The following SND1 variants were observed in gnomAD, a reference collection of about 807,000 sequenced individuals.
SND1 encodes staphylococcal nuclease and tudor domain containing 1.
In SND1, 38 loss-of-function variants were observed where a neutral mutation model predicts 121.7. That is an observed-to-expected ratio of 0.31 (90% CI 0.24 to 0.41). The LOEUF is 0.41. SND1 is among the 10% of genes least tolerant of loss of function. The probability of loss-of-function intolerance (pLI) is 1.00; values close to 1 mark genes in which losing one functional copy is unlikely to be tolerated. For synonymous variants in SND1, 401 were observed against 447.4 expected (o/e 0.90, Z 1.31); for missense variants, 868 against 1,184.6 (o/e 0.73, Z 3.92).
At chr7:127,683,415 C>T (rs1460663685) in intron 1 of SND1, among the ~76,000 whole-genome samples, 1 of 152,078 alleles carries the variant, frequency 6.6e-6, no homozygotes, top group Non-Finnish European at 1.5e-5. Context: ...TGAGGTCTTG[C>T]TGTGTTGTCC....
chr7:127,730,764 G>A (rs1030198719), intron 10 of SND1, among the ~76,000 whole-genome samples: 3 of 152,140 alleles, frequency 2.0e-5, no homozygotes, highest in Non-Finnish European at 2.9e-5. Context: ...TGATACTCAG[G>A]TGTTAGATAG....
intron 11 of SND1, among the ~76,000 whole-genome samples, chr7:127,843,870 A>G (rs1031260172): frequency 6.6e-6 from 1 of 152,170 alleles, no homozygotes; most frequent in Admixed American, 6.5e-5. Flanking sequence ...TAGAGTTCCT[A>G]TTGCTCCACA....
At chr7:127,779,871 G>A (rs1382169502) in intron 10 of SND1, among the ~76,000 whole-genome samples, 7 of 152,138 alleles carry the variant, frequency 4.6e-5, no homozygotes, top group East Asian at 3.8e-4. Context: ...TCAAGGAGTC[G>A]GGACCATCTC....
chr7:128,025,865 AG>A (rs1803463938), intron 16 of SND1, among the ~76,000 whole-genome samples: 1 of 152,130 alleles, frequency 6.6e-6, no homozygotes, highest in Non-Finnish European at 1.5e-5. Flanking sequence ...AGCTGAATAT[AG>A]TCTTCCTTGG....
chr7:127,798,971 T>TCAAGGCTACAGTGAGCCC (rs1798077269), intron 10 of SND1, among the ~76,000 whole-genome samples: 1 of 152,178 alleles, frequency 6.6e-6, no homozygotes, highest in African/African-American at 2.4e-5. Context: ...CATGTGAGCC[T>TCAAGGCTACAGTGAGCCC]GGAACGTCAA....
intron 1 of SND1, among the ~76,000 whole-genome samples, chr7:127,656,954 T>C (rs372751622): frequency 9.8e-5 from 15 of 152,380 alleles, no homozygotes; most frequent in African/African-American, 3.4e-4. Context: ...TCCCGGCAGG[T>C]AAGCCTGGTA....
At chr7:127,761,328 T>TG (rs2116476906) in intron 10 of SND1, among the ~76,000 whole-genome samples, 1 of 152,382 alleles carries the variant, frequency 6.6e-6, no homozygotes, top group Admixed American at 6.5e-5. Flanking sequence ...ATTCAAAAGC[T>TG]GTCTGTGGTT....
intron 14 of SND1, among the ~76,000 whole-genome samples, chr7:127,924,546 G>A (rs538795212): frequency 6.6e-6 from 1 of 152,212 alleles, no homozygotes; most frequent in South Asian, 2.1e-4. Flanking sequence ...TACATCTAGT[G>A]CACACCGACA....
intron 10 of SND1, among the ~76,000 whole-genome samples, chr7:127,802,996 A>G (rs982244670): frequency 2.0e-5 from 3 of 152,070 alleles, no homozygotes; most frequent in Non-Finnish European, 4.4e-5. Flanking sequence ...TGCCCAGATT[A>G]CTATCATAAT....
At position 127,955,723 on chromosome 7, in the gene SND1, G is replaced by C. The variant is rs554165965; in HGVS notation, c.1669+26394G>C. ...CAGTCTTTTGCTCTGACAGGATTCT[G>C]TCTCCTAACCAGTCTTCTTCTGTTC... On this transcript the variant is annotated intron_variant, in intron 15 of 23. Coordinates refer to ENST00000354725, the MANE Select transcript of SND1 (RefSeq NM_014390.4). Among the ~76,000 whole-genome samples, 6 of 152,204 alleles carry C rather than the reference G, an allele frequency of 3.9e-5. No individual in the cohort carries two copies. In the South Asian group the frequency reaches 1.0e-3, roughly 26 times the overall value.
chr7:127,662,154 C>G (rs1795325259), intron 1 of SND1, among the ~76,000 whole-genome samples: 1 of 152,024 alleles, frequency 6.6e-6, no homozygotes, highest in Non-Finnish European at 1.5e-5. Flanking sequence ...CTCCTTGCCC[C>G]TCAGTTTTCT....
intron 10 of SND1, among the ~76,000 whole-genome samples, chr7:127,779,933 C>T (rs1797688805): frequency 6.6e-6 from 1 of 152,186 alleles, no homozygotes; most frequent in Non-Finnish European, 1.5e-5. Flanking sequence ...ACTGAGCAGC[C>T]ATAGTACTTT....
chr7:128,045,921 G>C (rs187221948), intron 16 of SND1, among the ~76,000 whole-genome samples: 251 of 152,160 alleles, frequency 1.6e-3, no homozygotes, highest in Non-Finnish European at 2.8e-3. Context: ...AGTTTAAAAA[G>C]AAAAAAATCC....
At chr7:128,034,951 C>G (rs2116997930) in intron 16 of SND1, among the ~76,000 whole-genome samples, 1 of 152,234 alleles carries the variant, frequency 6.6e-6, no homozygotes, top group East Asian at 1.9e-4. Context: ...ATGGTGCCAC[C>G]AAAGAATAAG....
intron 10 of SND1, among the ~76,000 whole-genome samples, chr7:127,806,970 A>G (rs188808249): frequency 7.3e-4 from 111 of 152,306 alleles, no homozygotes; most frequent in African/African-American, 2.5e-3. Flanking sequence ...AAAAAAAGGA[A>G]GAAAAAAACT....
chr7:127,867,534 G>A (rs897882533), intron 12 of SND1, among the ~76,000 whole-genome samples: 1 of 151,936 alleles, frequency 6.6e-6, no homozygotes, highest in Non-Finnish European at 1.5e-5. Flanking sequence ...TCTTTTGATG[G>A]TGTCACCATT....
At chr7:128,087,372 G>T (rs1453345094) in intron 21 of SND1, among the ~76,000 whole-genome samples, 1 of 152,186 alleles carries the variant, frequency 6.6e-6, no homozygotes, top group African/African-American at 2.4e-5. Flanking sequence ...GGTGTCGTGG[G>T]GTTGTCTACC....
At chr7:127,693,841 G>C (rs1795963432) in intron 2 of SND1, among the ~76,000 whole-genome samples, 1 of 152,106 alleles carries the variant, frequency 6.6e-6, no homozygotes, top group Admixed American at 6.5e-5. Context: ...ATTAAACCAG[G>C]TCCAGACTAT....
At chr7:127,749,645 T>A (rs538872956) in intron 10 of SND1, among the ~76,000 whole-genome samples, 7 of 152,282 alleles carry the variant, frequency 4.6e-5, no homozygotes. Context: ...AAGTTGTAGA[T>A]TAGTGGATGT....
Sources: gnomAD v4.1 joint callset for allele counts (sites outside exome capture counted in the v4.1 genomes callset) on GRCh38, gnomAD v4.1.1 for gene constraint, MANE v1.5 for transcripts, NCBI Gene and HGNC (gene_info 2026-07-23, HGNC 2026-07-21) for gene names.